The following FRMD4B variants were observed in gnomAD, a reference collection of about 807,000 sequenced individuals.
FRMD4B encodes the protein FERM domain containing 4B.
FRMD4B carries 74 observed loss-of-function variants against 141.5 expected under a neutral mutation model. The observed-to-expected ratio is 0.52, with a 90% CI of 0.43 to 0.63. The LOEUF (loss-of-function observed/expected upper bound fraction) is 0.63, where lower values mean the gene tolerates loss of function less well. Ranked by LOEUF, FRMD4B falls within the 30% of genes least tolerant of loss-of-function variation. FRMD4B has a pLI of 0.00. For missense variants in FRMD4B, 1,366 were observed against 1,253.4 expected (o/e 1.09, Z -1.36); for synonymous variants, 506 against 467.9 (o/e 1.08, Z -1.05).
At chr3:69,432,018 C>T (rs1198601823) in intron 2 of FRMD4B, among the ~76,000 whole-genome samples, 1 of 152,078 alleles carries the variant, frequency 6.6e-6, no homozygotes, top group Non-Finnish European at 1.5e-5. Context: ...TATAGCATTG[C>T]TATCATTATG....
intron 4 of FRMD4B, among the ~76,000 whole-genome samples, chr3:69,299,221 C>T (rs1701131687): frequency 6.6e-6 from 1 of 152,104 alleles, no homozygotes; most frequent in Non-Finnish European, 1.5e-5. Context: ...GGAATTTTCT[C>T]AGCATTTACA....
intron 1 of FRMD4B, among the ~76,000 whole-genome samples, chr3:69,537,269 C>A (rs1383151565): frequency 6.6e-6 from 1 of 152,176 alleles, no homozygotes; most frequent in African/African-American, 2.4e-5. Flanking sequence ...CACTAGGCCC[C>A]CTTTCCCACT....
chr3:69,238,479 G>A (rs963784848), intron 7 of FRMD4B, among the ~76,000 whole-genome samples: 10 of 152,138 alleles, frequency 6.6e-5, no homozygotes, highest in African/African-American at 9.7e-5. Flanking sequence ...ACTTGCCTAT[G>A]TTCAATAAAT....
chr3:69,333,777 G>T (rs2107343268), intron 1 of FRMD4B, among the ~76,000 whole-genome samples: 1 of 152,242 alleles, frequency 6.6e-6, no homozygotes, highest in East Asian at 1.9e-4. Flanking sequence ...TCCAGTGAAT[G>T]ACTATTTTTT....
chr3:69,245,731 T>C (rs2093420820), intron 7 of FRMD4B, among the ~76,000 whole-genome samples: 1 of 150,468 alleles, frequency 6.6e-6, no homozygotes, highest in Non-Finnish European at 1.5e-5. Context: ...TGGCACCACC[T>C]TGGCTCACTG....
At chr3:69,255,562 A>G (rs1487034823) in intron 5 of FRMD4B, among the ~76,000 whole-genome samples, 1 of 152,136 alleles carries the variant, frequency 6.6e-6, no homozygotes, top group African/African-American at 2.4e-5. Context: ...AAAAGTTTGC[A>G]AAAAGAAAAA....
intron 1 of FRMD4B, among the ~76,000 whole-genome samples, chr3:69,482,922 C>G (rs1361111552): frequency 6.6e-6 from 1 of 152,120 alleles, no homozygotes; most frequent in Admixed American, 6.5e-5. Flanking sequence ...AATTCTACCC[C>G]CTGTTGTACA....
intron 17 of FRMD4B, among the ~76,000 whole-genome samples, chr3:69,193,384 T>C (rs1334101022): frequency 6.6e-6 from 1 of 152,168 alleles, no homozygotes; most frequent in Non-Finnish European, 1.5e-5. Flanking sequence ...GGCGCATGCC[T>C]GTAACCCCAG....
chr3:69,239,783 G>A (rs904994751), intron 7 of FRMD4B, among the ~76,000 whole-genome samples: 15 of 152,046 alleles, frequency 9.9e-5, no homozygotes, highest in East Asian at 1.9e-4. Context: ...ACGTCCAGGC[G>A]TGGTGGCTCA....
At chr3:69,302,538 C>A in intron 3 of FRMD4B, 103 bp from the exon 4 acceptor site, 1 of 723,898 alleles carries the variant, frequency 1.4e-6, no homozygotes, top group South Asian at 1.5e-5. Context: ...TCTCATACAC[C>A]GATGGTAGGA....
intron 11 of FRMD4B, chr3:69,200,973 C>T (rs1190810639): frequency 5.0e-6 from 2 of 398,604 alleles, no homozygotes; most frequent in Middle Eastern, 3.8e-4. Flanking sequence ...GAAACCCTAG[C>T]GCTTTGGACT....
Position 69,176,559 on chromosome 3 carries a change from A to C in FRMD4B, c.2949T>G (p.Tyr983Ter). The part of the protein sequence containing the change: ...TPAHSSYTSC[Y>*]GNVYNPLPSP... ...AGGGTAAAGGATTATAGACATTGCCATAGCAGCTGGTGTAAGAAGAATGTG... is the reference window on the plus strand; with the variant it reads ...AGGGTAAAGGATTATAGACATTGCCCTAGCAGCTGGTGTAAGAAGAATGTG... The change falls in exon 22 of 23, where the codon TAT becomes TAG. Residue 983 changes from tyrosine to a stop codon, truncating the protein, a stop_gained. Transcript: ENST00000398540. LOFTEE classifies it high-confidence loss of function. The C allele has an allele frequency of 6.2e-7, 1 of 1,612,226 alleles. No individual in the cohort carries two copies. Among genetic ancestry groups the C allele is most frequent in the Non-Finnish European group, 8.5e-7 (1 of 1,178,278 alleles).
chr3:69,321,287 C>T (rs532656318), intron 1 of FRMD4B, among the ~76,000 whole-genome samples: 10 of 152,340 alleles, frequency 6.6e-5, no homozygotes, highest in South Asian at 2.1e-4. Flanking sequence ...TAGCCTACTT[C>T]GGCTTTGCTT....
intron 1 of FRMD4B, among the ~76,000 whole-genome samples, chr3:69,497,435 C>G (rs577577563): frequency 6.6e-6 from 1 of 152,032 alleles, no homozygotes; most frequent in African/African-American, 2.4e-5. Flanking sequence ...GAATTTCGGA[C>G]GACTGATTGC....
intron 1 of FRMD4B, among the ~76,000 whole-genome samples, chr3:69,322,592 CTCTTT>C (rs1168101933): frequency 7.4e-5 from 6 of 81,344 alleles, no homozygotes; most frequent in Admixed American, 5.9e-4. Flanking sequence ...TTTTCTCTCT[CTCTTT>C]TTTTTTTTTT....
intron 5 of FRMD4B, among the ~76,000 whole-genome samples, chr3:69,262,357 C>T (rs974640392): frequency 4.0e-5 from 6 of 151,688 alleles, no homozygotes; most frequent in Admixed American, 1.3e-4. Flanking sequence ...CCTAAGTATA[C>T]ACCTAGCAGA....
At chr3:69,367,186 C>A (rs1439993008) in intron 1 of FRMD4B, among the ~76,000 whole-genome samples, 1 of 152,104 alleles carries the variant, frequency 6.6e-6, no homozygotes, top group Non-Finnish European at 1.5e-5. Context: ...AAATGGTCTA[C>A]ACAAGAGCCT....
Position 69,181,107 on chromosome 3 carries a change from T to C in FRMD4B, c.2643A>G (p.Ala881=). 1 of 1,614,038 alleles carries C rather than the reference T, an allele frequency of 6.2e-7. No homozygotes were observed. The highest frequency in any genetic ancestry group is 1.1e-5 in the South Asian group (1 of 91,080). ...ATLRLPRKAA[A]KSEHITKNIH... ...TGTTTTTGGTGATGTGCTCCGATTT[T>C]GCAGCAGCCTTCCTTGGCAGCCGGA... The change falls in exon 21 of 23, where the codon GCA becomes GCG. Residue 881 remains alanine, a synonymous_variant. Transcript: ENST00000398540.
chr3:69,457,213 CA>C (rs1188732450), intron 1 of FRMD4B, among the ~76,000 whole-genome samples: 14 of 152,000 alleles, frequency 9.2e-5, no homozygotes, highest in Admixed American at 2.0e-4. Flanking sequence ...CCACAGCAAG[CA>C]AAAATTTTAA....
Sources: gnomAD v4.1 joint callset for allele counts (sites outside exome capture counted in the v4.1 genomes callset) on GRCh38, gnomAD v4.1.1 for gene constraint, MANE v1.5 for transcripts, NCBI Gene and HGNC (gene_info 2026-07-23, HGNC 2026-07-21) for gene names.